The following SGCG variants were observed in gnomAD, a reference collection of about 807,000 sequenced individuals.
The protein encoded by SGCG is sarcoglycan gamma.
SGCG carries 26 observed loss-of-function variants against 29.3 expected under a neutral mutation model. The observed-to-expected ratio is 0.89, with a 90% CI of 0.65 to 1.23. The LOEUF is 1.23. Among genes scored for constraint, SGCG ranks in the 50% most tolerant of loss-of-function variants. The pLI, the probability that SGCG is intolerant of heterozygous loss-of-function variation, is 0.00. For synonymous variants in SGCG, 145 were observed against 129.7 expected, an observed-to-expected ratio of 1.12 and a Z score of -0.80; for missense variants, 353 against 356.0, an observed-to-expected ratio of 0.99 and a Z score of 0.07.
intron 2 of SGCG, among the ~76,000 whole-genome samples, chr13:23,211,712 T>G (rs557228610): frequency 6.6e-6 from 1 of 152,248 alleles, no homozygotes; most frequent in African/African-American, 2.4e-5. Flanking sequence ...CAGTTACCTC[T>G]GCAGTCTTGT....
At chr13:23,261,175 A>C (rs556635327) in intron 4 of SGCG, among the ~76,000 whole-genome samples, 1 of 152,118 alleles carries the variant, frequency 6.6e-6, no homozygotes, top group Non-Finnish European at 1.5e-5. Context: ...AGGTACACCA[A>C]TCAAACGTAG....
intron 6 of SGCG, among the ~76,000 whole-genome samples, chr13:23,320,145 T>G (rs1882980587): frequency 6.6e-6 from 1 of 152,222 alleles, no homozygotes. Flanking sequence ...AATAAATTGG[T>G]GTTTTAACTA....
chr13:23,277,697 CTTT>C (rs879580838), intron 4 of SGCG, among the ~76,000 whole-genome samples: 5 of 135,352 alleles, frequency 3.7e-5, no homozygotes, highest in Non-Finnish European at 6.4e-5. Flanking sequence ...TCTCAACTTC[CTTT>C]TTTTTTTTTT....
At chr13:23,299,439 TATATATA>T (rs1327049192) in intron 6 of SGCG, among the ~76,000 whole-genome samples, 291 of 21,192 alleles carry the variant, frequency 0.014, 23 homozygotes, top group African/African-American at 0.033. Context: ...TATATATATA[TATATATA>T]TATATATATA....
At chr13:23,256,605 A>G (rs1305251706) in intron 4 of SGCG, among the ~76,000 whole-genome samples, 2 of 151,430 alleles carry the variant, frequency 1.3e-5, no homozygotes, top group African/African-American at 4.9e-5. Context: ...TTCAATTCAC[A>G]CCTATGAGTG....
intron 6 of SGCG, among the ~76,000 whole-genome samples, chr13:23,298,738 A>T (rs1882006160): frequency 6.6e-6 from 1 of 152,212 alleles, no homozygotes; most frequent in Non-Finnish European, 1.5e-5. Flanking sequence ...TTTAAAGTAA[A>T]TGTCAATTTA....
At chr13:23,262,666 A>G (rs79819897) in intron 4 of SGCG, among the ~76,000 whole-genome samples, 1 of 152,160 alleles carries the variant, frequency 6.6e-6, no homozygotes, top group East Asian at 1.9e-4. Flanking sequence ...CACAAAATAT[A>G]TTTAAATAAC....
At chr13:23,230,578 C>A (rs1406272936) in intron 2 of SGCG, among the ~76,000 whole-genome samples, 1 of 152,164 alleles carries the variant, frequency 6.6e-6, no homozygotes, top group Non-Finnish European at 1.5e-5. Context: ...ATTTGGCCCT[C>A]AGCTTAGGGG....
intron 3 of SGCG, chr13:23,244,244 C>G (rs988297865): frequency 6.6e-6 from 1 of 152,020 alleles, no homozygotes; most frequent in African/African-American, 2.4e-5. Flanking sequence ...TAAACAAAAC[C>G]GCCGTATCAG....
chr13:23,263,752 C>T (rs898668540), intron 4 of SGCG, among the ~76,000 whole-genome samples: 1 of 151,920 alleles, frequency 6.6e-6, no homozygotes, highest in African/African-American at 2.4e-5. Flanking sequence ...AAGTTGGTTT[C>T]ATTCTAGGGA....
intron 7 of SGCG, among the ~76,000 whole-genome samples, chr13:23,322,765 T>TCCCCCCCCCCCCCCCCCCCCCCCC (rs1189871837): frequency 6.5e-5 from 4 of 61,444 alleles, no homozygotes; most frequent in African/African-American, 1.3e-4. Context: ...CCCCCACCCA[T>TCCCCCCCCCCCCCCCCCCCCCCCC]CCACCTCCCC....
At chr13:23,323,913 G>A (rs1004554678) in intron 7 of SGCG, among the ~76,000 whole-genome samples, 1 of 152,150 alleles carries the variant, frequency 6.6e-6, no homozygotes, top group Non-Finnish European at 1.5e-5. Flanking sequence ...ATCCTAATGG[G>A]GAGGAGAGGA....
intron 3 of SGCG, chr13:23,245,572 C>T (rs1879676826): frequency 6.6e-6 from 1 of 152,132 alleles, no homozygotes; most frequent in Non-Finnish European, 1.5e-5. Context: ...ATGAGCAGCT[C>T]CTGTGACAAG....
At chr13:23,175,633 CA>C in the SGCG span, among the ~76,000 whole-genome samples, 1 of 152,162 alleles carries the variant, frequency 6.6e-6, no homozygotes, top group South Asian at 2.1e-4. Flanking sequence ...GCCTTTCTTA[CA>C]CCTAATTTCT....
intron 6 of SGCG, among the ~76,000 whole-genome samples, chr13:23,302,979 G>A (rs1882222605): frequency 2.0e-5 from 3 of 152,044 alleles, no homozygotes; most frequent in South Asian, 4.1e-4. Flanking sequence ...AATGACTATC[G>A]GCGACAATTC....
rs574565050 is a variant in SGCG at position 23,292,813 on chromosome 13, T to C, written c.506-2602T>C. The stretch of plus-strand genomic sequence containing the variant: ...TCGTGATAACAAAGCATTACTTGGG[T>C]TTCAAACAATGTTACATAAACCACA... On this transcript the variant is annotated intron_variant, in intron 5 of 7. Transcript: ENST00000218867. Among the ~76,000 whole-genome samples, 10 of 152,322 alleles carry C rather than the reference T, an allele frequency of 6.6e-5. No individual in the cohort carries two copies. In the East Asian group the frequency reaches 1.9e-3, roughly 29 times the overall value.
At chr13:23,234,845 A>T in intron 3 of SGCG, 133 bp downstream of exon 3, 1 of 665,904 alleles carries the variant, frequency 1.5e-6, no homozygotes. Context: ...TGCTCTTTAT[A>T]AAAAGCTTGA....
intron 4 of SGCG, among the ~76,000 whole-genome samples, chr13:23,269,743 G>A (rs1219095133): frequency 1.3e-5 from 2 of 150,464 alleles, no homozygotes; most frequent in African/African-American, 4.9e-5. Flanking sequence ...GAGTTGCCGT[G>A]ATTATTCAGC....
chr13:23,191,065 A>C (rs368341006), intron 1 of SGCG, among the ~76,000 whole-genome samples: 14 of 152,336 alleles, frequency 9.2e-5, no homozygotes, highest in African/African-American at 2.9e-4. Context: ...ACTTTAAAAA[A>C]TACATCTATA....
Sources: gnomAD v4.1 joint callset for allele counts (sites outside exome capture counted in the v4.1 genomes callset) on GRCh38, gnomAD v4.1.1 for gene constraint, MANE v1.5 for transcripts, NCBI Gene and HGNC (gene_info 2026-07-23, HGNC 2026-07-21) for gene names.